PCDHGA3: variants seen among roughly 807,000 people sequenced by gnomAD.
The protein encoded by PCDHGA3 is protocadherin gamma subfamily A, 3, also known as protocadherin gamma-A3.
In PCDHGA3, 40 loss-of-function variants were observed where a neutral mutation model predicts 58.5. The observed-to-expected ratio is 0.68, with a 90% confidence interval of 0.53 to 0.89. The LOEUF is 0.89. Ranked by LOEUF, PCDHGA3 falls within the 40% of genes least tolerant of loss-of-function variation. PCDHGA3 has a pLI of 0.00. For synonymous variants in PCDHGA3, 530 were observed against 525.7 expected (o/e 1.01, Z -0.11); for missense variants, 1,223 against 1,195.9 (o/e 1.02, Z -0.33).
intron 1 of PCDHGA3, chr5:141,433,123 C>G (rs575738328): frequency 3.7e-6 from 6 of 1,614,116 alleles, no homozygotes; most frequent in Non-Finnish European, 5.1e-6. Context: ...TTGAAAAAAG[C>G]GAGCCCCTTT....
At position 141,483,010 on chromosome 5, in the gene PCDHGA3, G is replaced by A. The variant is rs574078222; in HGVS notation, c.2425-11797G>A. Among the ~76,000 whole-genome samples the A allele has an allele frequency of 1.3e-3, 204 of 152,122 alleles. 1 individual carries two copies. Among genetic ancestry groups the A allele is most frequent in the African/African-American group, 4.0e-3 (168 of 41,498 alleles). On this transcript the variant is annotated intron_variant, in intron 1 of 3. Coordinates refer to ENST00000253812, the MANE Select transcript of PCDHGA3 (RefSeq NM_018916.4). Reference sequence around the variant, plus strand: ...CGAGGCAGGAGAATTGCTTGAACCCGGGAGGCAGAGGTTGCAATGAGCTGG... The same window carrying A: ...CGAGGCAGGAGAATTGCTTGAACCCAGGAGGCAGAGGTTGCAATGAGCTGG...
intron 1 of PCDHGA3, chr5:141,389,769 G>A (rs2091901102): frequency 3.1e-6 from 5 of 1,612,950 alleles, no homozygotes; most frequent in Non-Finnish European, 4.2e-6. Context: ...CACAGCGCGT[G>A]CCTTAGGCGA....
chr5:141,419,734 G>A, intron 1 of PCDHGA3: 2 of 1,613,792 alleles, frequency 1.2e-6, no homozygotes, highest in Non-Finnish European at 1.7e-6. Context: ...GAACAGGCGA[G>A]GTGCGCATGG....
At position 141,344,816 on chromosome 5, in the gene PCDHGA3, G is replaced by C. The variant is rs1757476876; in HGVS notation, c.783G>C (p.Leu261=). ...AGAACGTGCCTGTGGGTACCCGGCT[G>C]CTCACGGTGAATGCCACTGACCCTG... ...VWENVPVGTR[L]LTVNATDPDE... The change falls in exon 1 of 4, where the codon CTG becomes CTC. Residue 261 remains leucine (L), a synonymous_variant. Transcript: ENST00000253812. 2 of 1,613,946 alleles carry C rather than the reference G, an allele frequency of 1.2e-6. No homozygotes were observed. The highest frequency in any genetic ancestry group is 4.5e-5 in the East Asian group (2 of 44,886).
intron 1 of PCDHGA3, chr5:141,410,343 G>C: frequency 6.2e-7 from 1 of 1,613,964 alleles, no homozygotes; most frequent in Non-Finnish European, 8.5e-7. Flanking sequence ...ATTGCCTTGC[G>C]CCTGCGACGC....
At chr5:141,403,211 G>A (rs1253134514) in intron 1 of PCDHGA3, 2 of 1,613,856 alleles carry the variant, frequency 1.2e-6, no homozygotes, top group Non-Finnish European at 1.7e-6. Flanking sequence ...CTTGGTCACC[G>A]CGGGTAGGAT....
At chr5:141,414,396 A>G in intron 1 of PCDHGA3, 1 of 1,613,884 alleles carries the variant, frequency 6.2e-7, no homozygotes, top group Non-Finnish European at 8.5e-7. Flanking sequence ...GTTATTACAG[A>G]TTGGTGATAC....
chr5:141,400,371 C>A, intron 1 of PCDHGA3: 1 of 1,614,056 alleles, frequency 6.2e-7, no homozygotes, highest in South Asian at 1.1e-5. Flanking sequence ...CTTATTCCTA[C>A]AACCTATGTG....
chr5:141,414,306 T>A lies in PCDHGA3; in HGVS notation c.2424+67849T>A, dbSNP rs778408885. The A allele has an allele frequency of 6.2e-6, 10 of 1,613,584 alleles. No homozygotes were observed. The Admixed American group carries it at 1.2e-4, about 19-fold the overall frequency. Reference sequence around the variant, plus strand: ...TCGTAGCCCTTTTAAATGTGCATGATTTAGACTCTGAGCAGAATGGACAGG... The same window carrying A: ...TCGTAGCCCTTTTAAATGTGCATGAATTAGACTCTGAGCAGAATGGACAGG... On this transcript the variant is annotated intron_variant, in intron 1 of 3. Coordinates refer to ENST00000253812, the MANE Select transcript of PCDHGA3 (RefSeq NM_018916.4).
chr5:141,413,981 C>A (rs563161887), intron 1 of PCDHGA3: 1 of 1,613,452 alleles, frequency 6.2e-7, no homozygotes, highest in Admixed American at 1.7e-5. Context: ...CTGACAGTCA[C>A]AGCCACCGAC....
chr5:141,430,015 T>G (rs2097256653), intron 1 of PCDHGA3, among the ~76,000 whole-genome samples: 1 of 152,236 alleles, frequency 6.6e-6, no homozygotes, highest in South Asian at 2.1e-4. Context: ...TTCACTTGGG[T>G]TCTTGTTAAG....
intron 1 of PCDHGA3, chr5:141,398,715 G>A: frequency 1.2e-6 from 2 of 1,613,850 alleles, no homozygotes; most frequent in Non-Finnish European, 1.7e-6. Flanking sequence ...AACTGGCACT[G>A]GAGAAAACCT....
chr5:141,364,866 C>T (rs749361969), intron 1 of PCDHGA3: 1 of 1,614,016 alleles, frequency 6.2e-7, no homozygotes, highest in Non-Finnish European at 8.5e-7. Context: ...CTGCACTTCT[C>T]TCTGGATGTG....
At chr5:141,349,857 G>T (rs958496319) in intron 1 of PCDHGA3, among the ~76,000 whole-genome samples, 12 of 152,012 alleles carry the variant, frequency 7.9e-5, no homozygotes, top group African/African-American at 2.7e-4. Context: ...AATGAAAAAA[G>T]AATACGAAAT....
rs749543351 is a variant in PCDHGA3 at position 141,344,213 on chromosome 5, G to T, written c.180G>T (p.Ala60=). 29 of 1,614,048 alleles carry T rather than the reference G, an allele frequency of 1.8e-5. No individual in the cohort carries two copies. The South Asian group carries it at 2.9e-4, about 16-fold the overall frequency. The part of the protein sequence containing the change: ...NDLGLEPREL[A]ERGVRIVSRG... The stretch of plus-strand genomic sequence containing the variant: ...TGGGGCTAGAGCCCCGGGAGCTGGC[G>T]GAGCGCGGAGTCCGCATCGTCTCCA... The change falls in exon 1 of 4, where the codon GCG becomes GCT. Residue 60 remains alanine, a synonymous_variant. Coordinates refer to ENST00000253812, the MANE Select transcript of PCDHGA3 (RefSeq NM_018916.4).
chr5:141,394,022 A>G (rs1210359800), intron 1 of PCDHGA3: 1 of 1,613,552 alleles, frequency 6.2e-7, no homozygotes, highest in South Asian at 1.1e-5. Flanking sequence ...ATTATTATAG[A>G]TTAGTGACAA....
chr5:141,409,861 A>C, intron 1 of PCDHGA3: 1 of 1,612,406 alleles, frequency 6.2e-7, no homozygotes, highest in Non-Finnish European at 8.5e-7. Context: ...TGTTGGTGGG[A>C]GACCGCAATG....
At chr5:141,472,805 G>C (rs2099297767) in intron 1 of PCDHGA3, among the ~76,000 whole-genome samples, 1 of 151,688 alleles carries the variant, frequency 6.6e-6, no homozygotes, top group African/African-American at 2.4e-5. Context: ...GACCAACATG[G>C]AGAAACCCCC....
At chr5:141,361,647 C>T (rs749825779) in intron 1 of PCDHGA3, 22 of 1,613,724 alleles carry the variant, frequency 1.4e-5, no homozygotes, top group South Asian at 3.3e-5. Flanking sequence ...TTTTATCCTA[C>T]GTGTCCGTGA....
Sources: gnomAD v4.1 joint callset for allele counts (sites outside exome capture counted in the v4.1 genomes callset) on GRCh38, gnomAD v4.1.1 for gene constraint, MANE v1.5 for transcripts, NCBI Gene and HGNC (gene_info 2026-07-23, HGNC 2026-07-21) for gene names.